Variants in FHIP1A observed in about 807,000 individuals in gnomAD.
FHIP1A encodes the protein FHF complex subunit HOOK-interacting protein 1A.
Under a neutral mutation model 88.6 loss-of-function variants are expected in FHIP1A, and 61 were observed. The ratio of observed to expected loss-of-function variants is 0.69; its 90% confidence interval spans 0.56 to 0.85. The LOEUF (loss-of-function observed/expected upper bound fraction) is 0.85. FHIP1A is among the 40% of genes least tolerant of loss of function. The pLI, the probability that FHIP1A is intolerant of heterozygous loss-of-function variation, is 0.00. For synonymous variants in FHIP1A, 478 were observed against 496.0 expected (o/e 0.96, Z 0.48); for missense variants, 1,154 against 1,273.5 (o/e 0.91, Z 1.43).
chr4:151,427,226 A>C (rs1367153569), intron 1 of FHIP1A, among the ~76,000 whole-genome samples: 2 of 152,106 alleles, frequency 1.3e-5, no homozygotes, highest in South Asian at 2.1e-4. Flanking sequence ...TTAAAAGTGC[A>C]CTTACTTAGC....
intron 2 of FHIP1A, among the ~76,000 whole-genome samples, chr4:151,473,439 G>A (rs762834578): frequency 2.0e-4 from 31 of 151,776 alleles, no homozygotes; most frequent in Non-Finnish European, 3.5e-4. Context: ...ATAAAGTATA[G>A]TATCTTTAAA....
At chr4:151,616,775 TCTCAC>T (rs1233835137) in intron 7 of FHIP1A, among the ~76,000 whole-genome samples, 4 of 150,114 alleles carry the variant, frequency 2.7e-5, no homozygotes, top group Non-Finnish European at 4.4e-5. Flanking sequence ...TGAGACAGAG[TCTCAC>T]TCTGTTGCCC....
intron 2 of FHIP1A, among the ~76,000 whole-genome samples, chr4:151,462,889 T>C (rs1729188617): frequency 6.6e-6 from 1 of 152,196 alleles, no homozygotes; most frequent in Non-Finnish European, 1.5e-5. Context: ...GAGAGATGAC[T>C]TAGTATTGTA....
At chr4:151,522,695 C>T (rs1341130437) in intron 3 of FHIP1A, among the ~76,000 whole-genome samples, 1 of 152,248 alleles carries the variant, frequency 6.6e-6, no homozygotes, top group African/African-American at 2.4e-5. Context: ...CCAATCTTCT[C>T]ATCTAATCAT....
At chr4:151,489,993 C>T (rs1730224866) in intron 3 of FHIP1A, among the ~76,000 whole-genome samples, 1 of 152,174 alleles carries the variant, frequency 6.6e-6, no homozygotes, top group African/African-American at 2.4e-5. Context: ...GTTATATCCC[C>T]CTTCTACTAC....
chr4:151,435,638 A>G (rs1728156695), intron 1 of FHIP1A, among the ~76,000 whole-genome samples: 1 of 152,116 alleles, frequency 6.6e-6, no homozygotes, highest in Non-Finnish European at 1.5e-5. Context: ...TACAAAAATT[A>G]GCCAGGTGTG....
chr4:151,443,547 C>T (rs1350077743), intron 1 of FHIP1A, among the ~76,000 whole-genome samples: 2 of 151,910 alleles, frequency 1.3e-5, no homozygotes, highest in East Asian at 1.9e-4. Context: ...GACTTGGTTC[C>T]CTATTCATAA....
chr4:151,597,662 G>GA (rs1165677207), intron 7 of FHIP1A, among the ~76,000 whole-genome samples: 1 of 152,174 alleles, frequency 6.6e-6, no homozygotes, highest in African/African-American at 2.4e-5. Context: ...CTTTCCCAGG[G>GA]AGATGGGAGT....
At chr4:151,569,660 G>T (rs1733523062) in intron 4 of FHIP1A, among the ~76,000 whole-genome samples, 1 of 152,158 alleles carries the variant, frequency 6.6e-6, no homozygotes, top group South Asian at 2.1e-4. Context: ...TATTTGACAG[G>T]TTCTGTTCTG....
intron 4 of FHIP1A, among the ~76,000 whole-genome samples, chr4:151,574,951 A>G (rs1733729096): frequency 6.6e-6 from 1 of 151,898 alleles, no homozygotes; most frequent in African/African-American, 2.4e-5. Context: ...ATTTTTTAGC[A>G]AATTATTTTT....
At chr4:151,532,070 TA>T (rs1440682950) in intron 3 of FHIP1A, among the ~76,000 whole-genome samples, 1 of 152,220 alleles carries the variant, frequency 6.6e-6, no homozygotes, top group African/African-American at 2.4e-5. Context: ...GCTATTTGAT[TA>T]TTTTTTTAAA....
intron 1 of FHIP1A, among the ~76,000 whole-genome samples, chr4:151,427,552 T>G (rs991909193): frequency 2.6e-5 from 4 of 152,110 alleles, no homozygotes; most frequent in African/African-American, 9.7e-5. Context: ...AGACTTTTTG[T>G]GGTATATGTG....
chr4:151,447,042 A>G (rs1728634905), intron 1 of FHIP1A, among the ~76,000 whole-genome samples: 1 of 152,180 alleles, frequency 6.6e-6, no homozygotes, highest in Admixed American at 6.5e-5. Flanking sequence ...CCATTTAATG[A>G]TTTACCCTGA....
chr4:151,549,905 TTAAAG>T (rs1476412086), intron 3 of FHIP1A, among the ~76,000 whole-genome samples: 2 of 152,178 alleles, frequency 1.3e-5, no homozygotes, highest in Non-Finnish European at 2.9e-5. Context: ...TGAGTATGTG[TTAAAG>T]TAAAGGGGAA....
intron 4 of FHIP1A, among the ~76,000 whole-genome samples, chr4:151,574,524 A>G (rs1381701603): frequency 2.0e-5 from 3 of 152,088 alleles, no homozygotes; most frequent in African/African-American, 7.2e-5. Context: ...TTGTATATAT[A>G]AAATATAAAT....
intron 3 of FHIP1A, among the ~76,000 whole-genome samples, chr4:151,552,469 A>G (rs1161167817): frequency 6.6e-6 from 1 of 152,224 alleles, no homozygotes; most frequent in Non-Finnish European, 1.5e-5. Context: ...AATGTGGCAC[A>G]TATACACCAT....
At chr4:151,507,641 C>A (rs1730880901) in intron 3 of FHIP1A, among the ~76,000 whole-genome samples, 1 of 152,050 alleles carries the variant, frequency 6.6e-6, no homozygotes, top group African/African-American at 2.4e-5. Flanking sequence ...GATATGCTTT[C>A]TTGGCTATTA....
At chr4:151,584,089 A>T (rs985449997) in intron 5 of FHIP1A, among the ~76,000 whole-genome samples, 1 of 152,002 alleles carries the variant, frequency 6.6e-6, no homozygotes, top group Non-Finnish European at 1.5e-5. Flanking sequence ...AATGTATATT[A>T]TTTTTTTGAT....
intron 7 of FHIP1A, among the ~76,000 whole-genome samples, chr4:151,596,239 G>A (rs773263335): frequency 2.0e-5 from 3 of 152,126 alleles, no homozygotes; most frequent in East Asian, 1.9e-4. Flanking sequence ...AAATCTTTCC[G>A]CATTTGCTTG....
Sources: allele counts gnomAD v4.1 joint callset (sites outside exome capture counted in the v4.1 genomes callset), GRCh38; gene constraint gnomAD v4.1.1; transcripts MANE v1.5; gene names NCBI Gene and HGNC (gene_info 2026-07-23, HGNC 2026-07-21).